Variants in EGLN1 observed in about 807,000 individuals in gnomAD.
The protein encoded by EGLN1 is egl nine homolog 1.
EGLN1 carries 17 observed loss-of-function variants against 38.3 expected under a neutral mutation model. That is an observed-to-expected ratio of 0.44 (90% CI 0.30 to 0.67). The LOEUF is 0.67. Among genes scored for constraint, EGLN1 ranks in the 30% least tolerant of loss-of-function variants. The probability of loss-of-function intolerance (pLI) is 0.08; values close to 1 mark genes in which losing one functional copy is unlikely to be tolerated. For missense variants in EGLN1, 477 were observed against 603.3 expected, an observed-to-expected ratio of 0.79 and a Z score of 2.19; for synonymous variants, 283 against 257.5, an observed-to-expected ratio of 1.10 and a Z score of -0.95.
intron 4 of EGLN1, 90 bp downstream of exon 4, chr1:231,367,479 T>C: frequency 7.7e-7 from 1 of 1,293,516 alleles, no homozygotes; most frequent in Non-Finnish European, 1.1e-6. Flanking sequence ...TTCATGGTGT[T>C]AACAAAGACT....
Position 231,421,374 on chromosome 1 carries a change from G to C in EGLN1, c.515C>G (p.Ala172Gly), listed in dbSNP as rs777466821. The C allele has an allele frequency of 1.9e-6, 3 of 1,607,900 alleles. No homozygotes were observed. The African/African-American group carries it at 4.0e-5, about 22-fold the overall frequency. ...CCGCAGGCCGCCGCCGGGGCTCAGC[G>C]CATCCCCGGGCGTGTTGCTTGGGGG... Reference protein sequence around the residue: ...LYPPSNTPGDALSPGGGLRPN... With the variant: ...LYPPSNTPGDGLSPGGGLRPN... Residue 172 changes from alanine (A) to glycine (G), a missense_variant, in exon 1 of 5, where the codon GCG becomes GGG. By Grantham distance (60) the Ala-to-Gly change is moderately conservative. Transcript: ENST00000366641. The surrounding 1 kb of genome is among the most constrained non-coding windows in gnomAD (Gnocchi z 5.5).
chr1:231,397,588 A>G (rs909347561), intron 1 of EGLN1, among the ~76,000 whole-genome samples: 2 of 152,236 alleles, frequency 1.3e-5, no homozygotes, highest in African/African-American at 4.8e-5. Context: ...TGTAGCCCAC[A>G]GCCTAAAATA....
At chr1:231,391,618 G>A (rs1032975096) in intron 1 of EGLN1, among the ~76,000 whole-genome samples, 1 of 152,058 alleles carries the variant, frequency 6.6e-6, no homozygotes, top group South Asian at 2.1e-4. Context: ...CAAAACATAT[G>A]GTTTTAATGC....
intron 1 of EGLN1, among the ~76,000 whole-genome samples, chr1:231,380,455 A>T (rs554244573): frequency 8.8e-6 from 1 of 113,474 alleles, no homozygotes; most frequent in Non-Finnish European, 2.2e-5. Flanking sequence ...TTCTAAGTGT[A>T]AATGATAGGT....
At chr1:231,369,602 C>T (rs753150280) in intron 3 of EGLN1, 93 of 984,976 alleles carry the variant, frequency 9.4e-5, no homozygotes, top group Non-Finnish European at 9.8e-5. Flanking sequence ...CTACTCAGTA[C>T]GTGAATTAGG....
At chr1:231,399,323 A>G (rs1688607192) in intron 1 of EGLN1, among the ~76,000 whole-genome samples, 1 of 152,206 alleles carries the variant, frequency 6.6e-6, no homozygotes, top group Non-Finnish European at 1.5e-5. Flanking sequence ...AAGTTTGGAA[A>G]GGATTGAGGA....
intron 1 of EGLN1, among the ~76,000 whole-genome samples, chr1:231,415,144 A>G (rs2102940753): frequency 6.6e-6 from 1 of 152,152 alleles, no homozygotes. Flanking sequence ...GTGGTGACAC[A>G]TGCCTGTAGT....
chr1:231,406,307 A>C (rs1688793707), intron 1 of EGLN1, among the ~76,000 whole-genome samples: 1 of 152,104 alleles, frequency 6.6e-6, no homozygotes, highest in African/African-American at 2.4e-5. Context: ...GAGAATCATA[A>C]GCCAGTGTTA....
At chr1:231,390,259 T>C (rs1020523859) in intron 1 of EGLN1, among the ~76,000 whole-genome samples, 1 of 152,222 alleles carries the variant, frequency 6.6e-6, no homozygotes, top group African/African-American at 2.4e-5. Context: ...TTCAGCGCTG[T>C]TTCCTCACTT....
At chr1:231,409,721 G>A (rs566983253) in intron 1 of EGLN1, among the ~76,000 whole-genome samples, 1 of 151,838 alleles carries the variant, frequency 6.6e-6, no homozygotes, top group Admixed American at 6.6e-5. Context: ...AGTCATGATT[G>A]TTGTTATTAC....
At chr1:231,394,536 G>A (rs1225698046) in intron 1 of EGLN1, among the ~76,000 whole-genome samples, 8 of 124,498 alleles carry the variant, frequency 6.4e-5, no homozygotes, top group Admixed American at 5.7e-4. Context: ...CCGCCACCAC[G>A]CCCGACTAAT....
intron 1 of EGLN1, among the ~76,000 whole-genome samples, chr1:231,391,083 GTTTTTTTTTTGTGT>G (rs1457313517): frequency 0.019 from 968 of 49,730 alleles, 22 homozygotes; most frequent in East Asian, 0.047. Flanking sequence ...AACTCATTCT[GTTTTTTTTTTGTGT>G]GTGTGTGTGT....
chr1:231,371,197 G>A (rs1055499096), intron 2 of EGLN1, among the ~76,000 whole-genome samples: 2 of 151,998 alleles, frequency 1.3e-5, no homozygotes, highest in African/African-American at 4.8e-5. Context: ...GCCATTTTAG[G>A]GATTTTTATA....
At chr1:231,405,158 ACTTTT>A (rs1688754488) in intron 1 of EGLN1, among the ~76,000 whole-genome samples, 1 of 152,000 alleles carries the variant, frequency 6.6e-6, no homozygotes, top group Non-Finnish European at 1.5e-5. Context: ...AAATAAAACT[ACTTTT>A]TATTTTATTT....
intron 1 of EGLN1, among the ~76,000 whole-genome samples, chr1:231,415,826 T>C (rs1279251492): frequency 6.6e-6 from 1 of 151,366 alleles, no homozygotes; most frequent in Non-Finnish European, 1.5e-5. Context: ...CCAGATCTAA[T>C]GGCAGAACCA....
intron 2 of EGLN1, among the ~76,000 whole-genome samples, chr1:231,373,366 T>C (rs978323032): frequency 1.3e-5 from 2 of 152,206 alleles, no homozygotes; most frequent in African/African-American, 4.8e-5. Context: ...ATAAAACAAC[T>C]GTTCTCAGAA....
intron 1 of EGLN1, among the ~76,000 whole-genome samples, chr1:231,405,351 G>GT (rs988666063): frequency 2.0e-5 from 3 of 151,808 alleles, no homozygotes; most frequent in South Asian, 2.1e-4. Flanking sequence ...GGCTTTTTTT[G>GT]TATTTTTAGT....
intron 1 of EGLN1, among the ~76,000 whole-genome samples, chr1:231,376,843 G>A (rs1687970208): frequency 6.6e-6 from 1 of 152,202 alleles, no homozygotes; most frequent in African/African-American, 2.4e-5. Context: ...TGAAGAGAGA[G>A]CAATGTGGCA....
intron 1 of EGLN1, among the ~76,000 whole-genome samples, chr1:231,374,448 C>T (rs1449887449): frequency 6.6e-6 from 1 of 152,148 alleles, no homozygotes; most frequent in Non-Finnish European, 1.5e-5. Context: ...CACCTCAGAA[C>T]ACCTACTTTA....
Sources: gnomAD v4.1 joint callset for allele counts (sites outside exome capture counted in the v4.1 genomes callset) on GRCh38, gnomAD v4.1.1 for gene constraint, Gnocchi (gnomAD v3.1) non-coding constraint, MANE v1.5 for transcripts, NCBI Gene and HGNC (gene_info 2026-07-23, HGNC 2026-07-21) for gene names.